RGS20: variants seen among roughly 807,000 people sequenced by gnomAD.
RGS20 encodes regulator of G protein signaling 20, also known as gz-selective GTPase-activating protein.
A neutral mutation model predicts 33.6 loss-of-function variants in RGS20; 30 were observed. That is an observed-to-expected ratio of 0.89 (90% confidence interval 0.67 to 1.21). RGS20 has a LOEUF of 1.21. Among genes scored for constraint, RGS20 ranks in the 50% most tolerant of loss-of-function variants. The pLI, the probability that RGS20 is intolerant of heterozygous loss-of-function variation, is 0.00. For synonymous variants in RGS20, 208 were observed against 197.9 expected, an observed-to-expected ratio of 1.05 and a Z score of -0.43; for missense variants, 472 against 502.4, an observed-to-expected ratio of 0.94 and a Z score of 0.58.
At chr8:53,932,622 GC>G (rs1257840719) in intron 2 of RGS20, among the ~76,000 whole-genome samples, 1 of 152,202 alleles carries the variant, frequency 6.6e-6, no homozygotes, top group African/African-American at 2.4e-5. Flanking sequence ...AAAGGCAGCA[GC>G]CCCAGTCAGG....
At chr8:53,862,887 G>A (rs1177490604) in intron 1 of RGS20, among the ~76,000 whole-genome samples, 2 of 152,234 alleles carry the variant, frequency 1.3e-5, no homozygotes, top group African/African-American at 2.4e-5. Flanking sequence ...TCAGAAATGG[G>A]CTGGGTTTTT....
chr8:53,909,209 G>GTATATA (rs1178436696), intron 2 of RGS20, among the ~76,000 whole-genome samples: 22 of 43,730 alleles, frequency 5.0e-4, no homozygotes, highest in South Asian at 1.1e-3. Flanking sequence ...TGGTATGTGT[G>GTATATA]TATATATATA....
At chr8:53,911,561 A>ATT (rs148561692) in intron 2 of RGS20, among the ~76,000 whole-genome samples, 1 of 117,110 alleles carries the variant, frequency 8.5e-6, no homozygotes, top group African/African-American at 5.6e-5. Context: ...AATTTAAAAT[A>ATT]TAGTCATATG....
intron 4 of RGS20, among the ~76,000 whole-genome samples, chr8:53,949,533 A>G (rs1400660988): frequency 2.6e-5 from 4 of 151,928 alleles, no homozygotes; most frequent in Non-Finnish European, 4.4e-5. Flanking sequence ...CCTGGCTGAC[A>G]TGGTGAAACC....
chr8:53,904,770 G>A (rs1189199179), intron 2 of RGS20, among the ~76,000 whole-genome samples: 2 of 151,904 alleles, frequency 1.3e-5, no homozygotes, highest in East Asian at 3.9e-4. Context: ...TCTTAATAAA[G>A]ATTTCAATCA....
chr8:53,939,767 A>G, intron 3 of RGS20, 43 bp downstream of exon 2: 1 of 1,525,520 alleles, frequency 6.6e-7, no homozygotes, highest in Non-Finnish European at 8.8e-7. Context: ...CTGACTGGGA[A>G]GTGTAATGTG....
chr8:53,947,945 A>G (rs1585956387), intron 4 of RGS20, among the ~76,000 whole-genome samples: 2 of 136,964 alleles, frequency 1.5e-5, no homozygotes, highest in African/African-American at 5.3e-5. Flanking sequence ...TATATATAAG[A>G]TATAGTATAT....
intron 1 of RGS20, among the ~76,000 whole-genome samples, chr8:53,867,605 T>C (rs1338220153): frequency 6.6e-6 from 1 of 152,202 alleles, no homozygotes; most frequent in African/African-American, 2.4e-5. Context: ...GCCCTGTTGG[T>C]ATCTAAAACA....
intron 2 of RGS20, among the ~76,000 whole-genome samples, chr8:53,919,189 AT>A (rs1334195434): frequency 7.9e-5 from 12 of 152,202 alleles, no homozygotes; most frequent in African/African-American, 2.9e-4. Flanking sequence ...TATATTGGCC[AT>A]TTGAAATATC....
chr8:53,928,452 T>A (rs1398750882), intron 2 of RGS20, among the ~76,000 whole-genome samples: 1 of 152,134 alleles, frequency 6.6e-6, no homozygotes, highest in Non-Finnish European at 1.5e-5. Context: ...TTTAAATGAT[T>A]TAAAATGTCA....
At chr8:53,945,467 T>G (rs909010883) in intron 3 of RGS20, 1 of 152,242 alleles carries the variant, frequency 6.6e-6, no homozygotes, top group Non-Finnish European at 1.5e-5. Context: ...AAGCAGTGAC[T>G]GCTTACTGGT....
At chr8:53,879,172 CA>C (rs1400811416) in intron 1 of RGS20, 18 of 1,119,872 alleles carry the variant, frequency 1.6e-5, no homozygotes, top group Non-Finnish European at 2.4e-5. Flanking sequence ...AGTAACGCTT[CA>C]AAATTCTGTA....
intron 2 of RGS20, among the ~76,000 whole-genome samples, chr8:53,900,179 T>TC (rs926553193): frequency 6.6e-6 from 1 of 152,142 alleles, no homozygotes; most frequent in African/African-American, 2.4e-5. Context: ...AGTCTTTTTT[T>TC]CCCCTAGGTT....
At chr8:53,918,367 C>A (rs1040724713) in intron 2 of RGS20, among the ~76,000 whole-genome samples, 2 of 150,770 alleles carry the variant, frequency 1.3e-5, no homozygotes, top group African/African-American at 5.0e-5. Context: ...GTTCACTTCA[C>A]TTCACATATT....
intron 5 of RGS20, among the ~76,000 whole-genome samples, chr8:53,958,029 G>A (rs1168910286): frequency 1.3e-5 from 2 of 151,964 alleles, no homozygotes; most frequent in Non-Finnish European, 2.9e-5. Flanking sequence ...CCAGCTACTC[G>A]GGAGGCTGAG....
At position 53,916,297 on chromosome 8, in the gene RGS20, C is replaced by T. The variant is rs575724056; in HGVS notation, c.511-23279C>T. 3.9e-5 allele frequency among the ~76,000 whole-genome samples: 6 copies of T among 152,288 alleles called. No individual in the cohort carries two copies. In the East Asian group the frequency reaches 5.8e-4, roughly 15 times the overall value. ...TCAGCCTCCCAAAGTGCTGGGATTA[C>T]AGGCATGAGCCACTGAGCCCAGCCT... On this transcript the variant is annotated intron_variant, in intron 2 of 5. Transcript: ENST00000297313.
At position 53,939,718 on chromosome 8, in the gene RGS20, G is replaced by A; in HGVS notation, c.653G>A (p.Cys218Tyr). ...TTCTGCTGGTGCTGCTGTTGTAGCT[G>A]CTCGTGGTAAGGTTTGGGGCTTTTT... Residue 218 changes from cysteine (C) to tyrosine (Y), a missense_variant, in exon 3 of 6, where the codon TGC (cysteine) becomes TAC (tyrosine). Physicochemically the swap from Cys to Tyr is radical, Grantham distance 194. This residue lies in a region of RGS20 where 319 missense variants were observed against 283.4 expected (regional missense o/e 1.13). Transcript: ENST00000297313. 1 of 1,555,350 alleles carries A rather than the reference G, an allele frequency of 6.4e-7. No individual in the cohort carries two copies. The highest frequency in any genetic ancestry group is 8.7e-7 in the Non-Finnish European group (1 of 1,148,804).
intron 2 of RGS20, among the ~76,000 whole-genome samples, chr8:53,934,702 G>A (rs922252576): frequency 2.0e-5 from 3 of 152,058 alleles, no homozygotes; most frequent in African/African-American, 4.8e-5. Flanking sequence ...ACAGATTAAC[G>A]AGACAGAAAA....
At chr8:53,854,383 G>T (rs1374845926) in intron 1 of RGS20, among the ~76,000 whole-genome samples, 2 of 151,716 alleles carry the variant, frequency 1.3e-5, no homozygotes, top group African/African-American at 4.8e-5. Flanking sequence ...AAAAGTAAAA[G>T]ACAAACAATC....
Sources: allele counts gnomAD v4.1 joint callset (sites outside exome capture counted in the v4.1 genomes callset), GRCh38; gene constraint gnomAD v4.1.1; regional missense constraint gnomAD v4.1.1; transcripts MANE v1.5; gene names NCBI Gene and HGNC (gene_info 2026-07-23, HGNC 2026-07-21).